The following DENND5A variants were observed in gnomAD, a reference collection of about 807,000 sequenced individuals.
DENND5A encodes the protein DENN domain containing 5A.
In DENND5A, 64 loss-of-function variants were observed where a neutral mutation model predicts 140.3. That is an observed-to-expected ratio of 0.46 (90% CI 0.37 to 0.56). DENND5A has a LOEUF of 0.56. Among genes scored for constraint, DENND5A ranks in the 20% least tolerant of loss-of-function variants. The pLI, the probability that DENND5A is intolerant of heterozygous loss-of-function variation, is 0.00. For missense variants in DENND5A, 1,292 were observed against 1,593.8 expected (o/e 0.81, Z 3.22); for synonymous variants, 605 against 607.7 (o/e 1.00, Z 0.07).
At chr11:9,168,221 G>A (rs935781619) in intron 10 of DENND5A, among the ~76,000 whole-genome samples, 7 of 152,036 alleles carry the variant, frequency 4.6e-5, no homozygotes, top group Middle Eastern at 3.2e-3. Flanking sequence ...GAGGGACCCA[G>A]TGGGAGGTAA....
intron 14 of DENND5A, 40 bp from the exon 15 acceptor site, chr11:9,150,249 G>C: frequency 6.2e-7 from 1 of 1,606,154 alleles, no homozygotes. Flanking sequence ...GGGTGGGATG[G>C]GAGATGAACT....
chr11:9,184,586 T>C lies in DENND5A; in HGVS notation c.1138-3502A>G, dbSNP rs1848844324. 2.0e-5 allele frequency among the ~76,000 whole-genome samples: 3 copies of C among 152,240 alleles called. No homozygotes were observed. The South Asian group carries it at 6.2e-4, about 31-fold the overall frequency. Reference sequence around the variant, plus strand: ...AACCAGCAAACTAAAGTGATCCTACTGATCCAAATCCCTCCCAAAACTTGG... The same window carrying C: ...AACCAGCAAACTAAAGTGATCCTACCGATCCAAATCCCTCCCAAAACTTGG... On this transcript the variant is annotated intron_variant, in intron 5 of 22. Transcript: ENST00000328194.
intron 1 of DENND5A, among the ~76,000 whole-genome samples, chr11:9,230,609 G>A (rs1850731763): frequency 6.6e-6 from 1 of 152,012 alleles, no homozygotes; most frequent in Non-Finnish European, 1.5e-5. Context: ...AGATGGGTGA[G>A]GAAAGGTATC....
chr11:9,264,203 G>GCC (rs1852339471), intron 1 of DENND5A, among the ~76,000 whole-genome samples: 1 of 152,130 alleles, frequency 6.6e-6, no homozygotes, highest in Non-Finnish European at 1.5e-5. Context: ...TCTGGTCAGG[G>GCC]CCCCATCTTT....
At chr11:9,244,877 G>C in intron 1 of DENND5A, among the ~76,000 whole-genome samples, 1 of 151,416 alleles carries the variant, frequency 6.6e-6, no homozygotes, top group East Asian at 2.0e-4. Flanking sequence ...GGGTTTCGCC[G>C]TGTTGCCGGG....
chr11:9,213,558 A>G (rs1849962778), intron 1 of DENND5A, among the ~76,000 whole-genome samples: 1 of 151,882 alleles, frequency 6.6e-6, no homozygotes, highest in East Asian at 1.9e-4. Flanking sequence ...CTGTAATCCC[A>G]GCATTTTGGG....
At chr11:9,255,553 A>G (rs1483268650) in intron 1 of DENND5A, among the ~76,000 whole-genome samples, 2 of 150,552 alleles carry the variant, frequency 1.3e-5, no homozygotes, top group East Asian at 3.9e-4. Context: ...CCAACATGGT[A>G]AAACCCCGTT....
chr11:9,175,215 A>C (rs576896915), intron 8 of DENND5A: 1 of 152,270 alleles, frequency 6.6e-6, no homozygotes, highest in East Asian at 1.9e-4. Flanking sequence ...GAAAGCAATA[A>C]AATAGCACCA....
At position 9,160,795 on chromosome 11, in the gene DENND5A, G is replaced by A. The variant is rs75474593; in HGVS notation, c.2354C>T (p.Thr785Ile). 1.9e-6 allele frequency: 3 copies of A among 1,614,032 alleles called. No homozygotes were observed. The highest frequency in any genetic ancestry group is 2.5e-6 in the Non-Finnish European group (3 of 1,179,894). Residue 785 changes from threonine to isoleucine, a missense_variant, in exon 12 of 23, where the codon ACA becomes ATA. Coordinates refer to ENST00000328194, the MANE Select transcript of DENND5A (RefSeq NM_015213.4). ...VELGHGEVNITGVEENTLIAS... is the reference protein window; with the variant it reads ...VELGHGEVNIIGVEENTLIAS... ...AATCAGGGTGTTCTCTTCCACCCCT[G>A]TGATGTTCACCTCCCCATGCCCTAG...
intron 22 of DENND5A, among the ~76,000 whole-genome samples, chr11:9,141,449 C>T (rs979088638): frequency 6.6e-6 from 1 of 152,062 alleles, no homozygotes; most frequent in Non-Finnish European, 1.5e-5. Context: ...GGTTCTCATA[C>T]AAACCTAGAT....
chr11:9,169,722 T>C (rs1848308921), intron 10 of DENND5A, 134 bp downstream of exon 10: 5 of 612,836 alleles, frequency 8.2e-6, no homozygotes, highest in Non-Finnish European at 1.5e-5. Context: ...GAACTAGACC[T>C]ATTATTAACC....
At chr11:9,146,719 T>C (rs575414668) in intron 16 of DENND5A, 12 of 221,696 alleles carry the variant, frequency 5.4e-5, no homozygotes, top group Middle Eastern at 3.2e-3. Flanking sequence ...GGGAGGGAGG[T>C]AAACTGCATC....
At chr11:9,263,414 G>T (rs950625305) in intron 1 of DENND5A, among the ~76,000 whole-genome samples, 5 of 151,332 alleles carry the variant, frequency 3.3e-5, no homozygotes, top group Non-Finnish European at 7.4e-5. Context: ...AGAGACGGGG[G>T]TTTCACCATG....
At chr11:9,206,847 G>T (rs1300537303) in intron 2 of DENND5A, 65 bp from the exon 3 acceptor site, 3 of 1,205,216 alleles carry the variant, frequency 2.5e-6, no homozygotes, top group Non-Finnish European at 3.7e-6. Flanking sequence ...GGTTATAAAT[G>T]TCTGAGCTTG....
intron 5 of DENND5A, among the ~76,000 whole-genome samples, chr11:9,181,604 G>A (rs1415944320): frequency 6.6e-6 from 1 of 152,078 alleles, no homozygotes; most frequent in Admixed American, 6.6e-5. Flanking sequence ...CAGGGATGGT[G>A]GCATGCACCT....
rs564325297 is a variant in DENND5A, at chr11:9,245,055, C to A, written c.109+19906G>T. Among the ~76,000 whole-genome samples, 22 of 151,772 alleles carry A rather than the reference C, an allele frequency of 1.4e-4. No homozygotes were observed. In the East Asian group the frequency reaches 1.8e-3, roughly 12 times the overall value. The stretch of plus-strand genomic sequence containing the variant: ...ATCCCAGCACTTTGGGAGGCCAAGG[C>A]GGGTGAATCACGAGGTCAGGAGACC... On this transcript the variant is annotated intron_variant, in intron 1 of 22. Transcript: ENST00000328194.
Position 9,254,070 on chromosome 11 carries a change from C to T in DENND5A, c.109+10891G>A, listed in dbSNP as rs1394097572. Among the ~76,000 whole-genome samples the T allele has an allele frequency of 4.0e-5, 6 of 150,436 alleles. No homozygotes were observed. The South Asian group carries it at 1.1e-3, about 26-fold the overall frequency. On this transcript the variant is annotated intron_variant, in intron 1 of 22. Transcript: ENST00000328194. ...ACTCAGGAGGCCGAGGCAGGAGAAT[C>T]GCTTGAACCCGGGAGGCAGAGGTTG... is the stretch of plus-strand genomic sequence containing the variant.
At chr11:9,158,946 T>C (rs1256452448) in intron 12 of DENND5A, among the ~76,000 whole-genome samples, 1 of 152,236 alleles carries the variant, frequency 6.6e-6, no homozygotes, top group Non-Finnish European at 1.5e-5. Context: ...CACCACTATC[T>C]AATTCTAGAA....
chr11:9,244,060 G>C (rs1851361043), intron 1 of DENND5A, among the ~76,000 whole-genome samples: 1 of 152,180 alleles, frequency 6.6e-6, no homozygotes, highest in Admixed American at 6.5e-5. Context: ...TTTTCAGGGA[G>C]TCAAAAGTTA....
Sources: allele counts gnomAD v4.1 joint callset (sites outside exome capture counted in the v4.1 genomes callset), GRCh38; gene constraint gnomAD v4.1.1; transcripts MANE v1.5; gene names NCBI Gene and HGNC (gene_info 2026-07-23, HGNC 2026-07-21).